The following CAPN2 variants were observed in gnomAD, a reference collection of about 807,000 sequenced individuals.
The protein encoded by CAPN2 is calpain 2.
CAPN2 carries 92 observed loss-of-function variants against 102.3 expected under a neutral mutation model. The observed-to-expected ratio is 0.90, with a 90% CI of 0.76 to 1.07. The LOEUF is 1.07. Among genes scored for constraint, CAPN2 ranks in the 50% least tolerant of loss-of-function variants. CAPN2 has a pLI of 0.00. For missense variants in CAPN2, 800 were observed against 909.4 expected, an observed-to-expected ratio of 0.88 and a Z score of 1.55; for synonymous variants, 340 against 355.4, an observed-to-expected ratio of 0.96 and a Z score of 0.49.
At chr1:223,750,785 A>G in intron 6 of CAPN2, 105 bp from the exon 7 acceptor site, 1 of 1,030,678 alleles carries the variant, frequency 9.7e-7, no homozygotes, top group Non-Finnish European at 1.5e-6. Flanking sequence ...CACCGTCCTC[A>G]GCCCCATACC....
rs28370169 is a variant in CAPN2, at chr1:223,771,538, G to A, written c.1904-271G>A. 3 of 385,012 alleles carry A rather than the reference G, an allele frequency of 7.8e-6. No individual in the cohort carries two copies. The East Asian group carries it at 1.5e-4, about 19-fold the overall frequency. The allele number at this position is 385,012 out of a possible 1,614,324, so 23.8% of individuals were successfully genotyped here. ...GCAGCAGCATGGTTAACAACATGAAGCAACTGTGACCATGAGAACAGAAAC... is the reference window on the plus strand; with the variant it reads ...GCAGCAGCATGGTTAACAACATGAAACAACTGTGACCATGAGAACAGAAAC... On this transcript the variant is annotated intron_variant, in intron 18 of 20. Coordinates refer to ENST00000295006, the MANE Select transcript of CAPN2 (RefSeq NM_001748.5).
chr1:223,749,557 T>C (rs766849167), intron 6 of CAPN2: 1 of 184,488 alleles, frequency 5.4e-6, no homozygotes, highest in Non-Finnish European at 1.1e-5. Context: ...TTACTGGAAC[T>C]CTCTGTCCCT....
intron 1 of CAPN2, among the ~76,000 whole-genome samples, chr1:223,705,550 G>C (rs868846493): frequency 6.6e-6 from 1 of 152,178 alleles, no homozygotes; most frequent in Non-Finnish European, 1.5e-5. Context: ...GGCTTGTCTT[G>C]TAGCTGTTTC....
chr1:223,728,043 G>A (rs938687057), intron 2 of CAPN2, among the ~76,000 whole-genome samples: 2 of 152,010 alleles, frequency 1.3e-5, no homozygotes. Context: ...CTGTTAGCAG[G>A]TGTATCTTAC....
intron 16 of CAPN2, among the ~76,000 whole-genome samples, chr1:223,769,321 G>A (rs781135116): frequency 7.9e-5 from 12 of 151,984 alleles, no homozygotes; most frequent in African/African-American, 2.2e-4. Context: ...GGGTTTCACC[G>A]TGTTGGCCAG....
At chr1:223,765,257 G>A (rs1252990202) in intron 15 of CAPN2, among the ~76,000 whole-genome samples, 2 of 152,212 alleles carry the variant, frequency 1.3e-5, no homozygotes, top group African/African-American at 4.8e-5. Flanking sequence ...CAGAGCCAAA[G>A]AAGAGTCCAG....
At chr1:223,714,136 TC>T (rs1300645823) in intron 1 of CAPN2, among the ~76,000 whole-genome samples, 1 of 152,098 alleles carries the variant, frequency 6.6e-6, no homozygotes, top group Non-Finnish European at 1.5e-5. Flanking sequence ...AGCAGCCACC[TC>T]CCCACCTTGT....
chr1:223,713,766 T>A (rs554240729), intron 1 of CAPN2, among the ~76,000 whole-genome samples: 1 of 152,330 alleles, frequency 6.6e-6, no homozygotes, highest in African/African-American at 2.4e-5. Flanking sequence ...GGTCACCTTC[T>A]GTTACCCTAA....
chr1:223,762,075 C>A, intron 13 of CAPN2, 111 bp from the exon 14 acceptor site: 1 of 830,814 alleles, frequency 1.2e-6, no homozygotes, highest in African/African-American at 1.7e-5. Context: ...ATTTGGGCCC[C>A]AGGGAGGGGT....
chr1:223,769,809 C>T (rs1661425222), intron 16 of CAPN2, 32 bp from the exon 17 acceptor site: 1 of 1,565,324 alleles, frequency 6.4e-7, no homozygotes, highest in South Asian at 1.2e-5. Context: ...CAAATGGACC[C>T]ACACTCAAGG....
At chr1:223,768,272 A>C (rs1290229118) in intron 16 of CAPN2, among the ~76,000 whole-genome samples, 6 of 150,702 alleles carry the variant, frequency 4.0e-5, no homozygotes, top group Non-Finnish European at 3.0e-5. Flanking sequence ...GCCCATGCCT[A>C]TGTCCTGAAT....
At chr1:223,704,190 C>CTAAG (rs1252845796) in intron 1 of CAPN2, among the ~76,000 whole-genome samples, 3 of 152,070 alleles carry the variant, frequency 2.0e-5, no homozygotes, top group Admixed American at 6.6e-5. Context: ...ACTCAGGAGG[C>CTAAG]TAAGACACAA....
At chr1:223,714,418 A>T (rs1425761098) in intron 1 of CAPN2, among the ~76,000 whole-genome samples, 3 of 152,172 alleles carry the variant, frequency 2.0e-5, no homozygotes, top group African/African-American at 7.2e-5. Context: ...TGAACACAAA[A>T]GAAGTGACTG....
At position 223,731,304 on chromosome 1, in the gene CAPN2, C is replaced by T. The variant is rs950033095; in HGVS notation, c.308-12796C>T. Among the ~76,000 whole-genome samples, 6 of 152,106 alleles carry T rather than the reference C, an allele frequency of 3.9e-5. No individual in the cohort carries two copies. The highest frequency in any genetic ancestry group is 1.2e-4 in the African/African-American group (5 of 41,420). On this transcript the variant is annotated intron_variant, in intron 2 of 20. Transcript: ENST00000295006. This position sits in a 1 kb window ranked among gnomAD's most constrained non-coding sequence, Gnocchi z 4.2. ...GCCAGTTCAGATTCCTAAGCTGGCC[C>T]GGACATCCAACCCAATCCGCCTAGC...
chr1:223,760,463 G>A (rs1041135508), intron 12 of CAPN2, among the ~76,000 whole-genome samples: 6 of 152,190 alleles, frequency 3.9e-5, no homozygotes, highest in Non-Finnish European at 8.8e-5. Flanking sequence ...CCAGGCAGCT[G>A]CATACCAATG....
chr1:223,713,013 C>G (rs1407132347), intron 1 of CAPN2, 136 bp downstream of exon 1: 2 of 515,420 alleles, frequency 3.9e-6, no homozygotes, highest in Admixed American at 4.7e-5. Context: ...CCTCGCAGTC[C>G]TGCGACACCT....
rs1405822622 is a variant in CAPN2 at position 223,750,909 on chromosome 1, T to C, written c.833T>C (p.Leu278Pro). 1.3e-5 allele frequency: 20 copies of C among 1,552,140 alleles called. No individual in the cohort carries two copies. The highest frequency in any genetic ancestry group is 1.7e-5 in the Non-Finnish European group (19 of 1,147,228). The change falls in exon 7 of 21, where the codon CTA becomes CCA. Residue 278 changes from leucine (L) to proline (P), a missense_variant. Coordinates refer to ENST00000295006, the MANE Select transcript of CAPN2 (RefSeq NM_001748.5). The stretch of plus-strand genomic sequence containing the variant: ...CTGCAGGTTGAAAGTAACGGAAGCC[T>C]ACAGAAACTGATCCGCATCCGAAAT... ...GAEEVESNGS[L>P]QKLIRIRNPW... is the part of the protein sequence containing the mutation.
intron 5 of CAPN2, among the ~76,000 whole-genome samples, chr1:223,747,757 TG>T (rs1376328831): frequency 1.3e-5 from 2 of 152,152 alleles, no homozygotes; most frequent in African/African-American, 2.4e-5. Flanking sequence ...TCCTGTGCTT[TG>T]GGGGAGAGTG....
intron 1 of CAPN2, among the ~76,000 whole-genome samples, chr1:223,714,635 A>AAG (rs1157898413): frequency 6.6e-6 from 1 of 151,810 alleles, no homozygotes; most frequent in Non-Finnish European, 1.5e-5. Context: ...AAAAAAAAAA[A>AAG]AAAAAGTGAA....
Sources: allele counts gnomAD v4.1 joint callset (sites outside exome capture counted in the v4.1 genomes callset), GRCh38; gene constraint gnomAD v4.1.1; non-coding constraint Gnocchi (gnomAD v3.1); transcripts MANE v1.5; gene names NCBI Gene and HGNC (gene_info 2026-07-23, HGNC 2026-07-21).